The following TMEM182 variants were observed in gnomAD, a reference collection of about 807,000 sequenced individuals.
TMEM182 encodes transmembrane protein 182.
Under a neutral mutation model 26.8 loss-of-function variants are expected in TMEM182, and 20 were observed. The ratio of observed to expected loss-of-function variants is 0.75; its 90% CI spans 0.53 to 1.09. The LOEUF is 1.09. Among genes scored for constraint, TMEM182 ranks in the 50% least tolerant of loss-of-function variants. The pLI is 0.00. For missense variants in TMEM182, 277 were observed against 275.5 expected (o/e 1.01, Z -0.04); for synonymous variants, 109 against 102.2 (o/e 1.07, Z -0.40).
chr2:102,759,678 C>T (rs1049481578), upstream of TMEM182, among the ~76,000 whole-genome samples: 7 of 152,214 alleles, frequency 4.6e-5, no homozygotes, highest in Non-Finnish European at 1.0e-4. Flanking sequence ...TACAGATTTG[C>T]TATCCCACAG....
chr2:102,807,893 T>C (rs1682406557), intron 4 of TMEM182, among the ~76,000 whole-genome samples: 1 of 152,228 alleles, frequency 6.6e-6, no homozygotes, highest in Non-Finnish European at 1.5e-5. Context: ...TTATATTTAA[T>C]ATATTAACTC....
At chr2:102,808,683 G>A (rs1682437082) in intron 4 of TMEM182, among the ~76,000 whole-genome samples, 1 of 152,116 alleles carries the variant, frequency 6.6e-6, no homozygotes, top group South Asian at 2.1e-4. Context: ...CAACCCAAAT[G>A]TTTATCAGTG....
chr2:102,750,967 G>A (rs1416796813), intron 1 of TMEM182, among the ~76,000 whole-genome samples: 1 of 152,144 alleles, frequency 6.6e-6, no homozygotes, highest in Non-Finnish European at 1.5e-5. Context: ...CTGCTGGGTT[G>A]CATATAGCCG....
At chr2:102,786,210 G>GTTTTTTTTTTTTT (rs772846502) in intron 3 of TMEM182, among the ~76,000 whole-genome samples, 2 of 91,798 alleles carry the variant, frequency 2.2e-5, no homozygotes, top group African/African-American at 4.4e-5. Flanking sequence ...TCAGCAATCT[G>GTTTTTTTTTTTTT]TTTTTTTTTT....
intron 1 of TMEM182, among the ~76,000 whole-genome samples, chr2:102,737,847 G>T (rs1679405706): frequency 6.6e-6 from 1 of 152,186 alleles, no homozygotes; most frequent in South Asian, 2.1e-4. Context: ...CTCTTTCACT[G>T]TGGGATCAAG....
chr2:102,797,164 A>G (rs144946725), intron 3 of TMEM182, among the ~76,000 whole-genome samples: 13 of 152,302 alleles, frequency 8.5e-5, no homozygotes, highest in African/African-American at 2.9e-4. Flanking sequence ...ATAGACTCCT[A>G]TACTTCTCAT....
intron 3 of TMEM182, among the ~76,000 whole-genome samples, chr2:102,838,113 C>G (rs1683281059): frequency 6.6e-6 from 1 of 152,186 alleles, no homozygotes; most frequent in Non-Finnish European, 1.5e-5. Context: ...GTCTTATTCC[C>G]TTTTTCTTGA....
intron 3 of TMEM182, among the ~76,000 whole-genome samples, chr2:102,834,977 G>A (rs1052311394): frequency 6.6e-6 from 1 of 152,142 alleles, no homozygotes; most frequent in Non-Finnish European, 1.5e-5. Context: ...AGGACTTATT[G>A]TGCCTGTTTC....
chr2:102,746,625 G>A (rs1315604859), intron 1 of TMEM182, among the ~76,000 whole-genome samples: 1 of 151,646 alleles, frequency 6.6e-6, no homozygotes, highest in African/African-American at 2.4e-5. Context: ...ATGGAGTCTC[G>A]CTCTCTCACC....
intron 3 of TMEM182, among the ~76,000 whole-genome samples, chr2:102,767,187 T>C (rs1419000049): frequency 6.6e-6 from 1 of 152,226 alleles, no homozygotes; most frequent in East Asian, 1.9e-4. Flanking sequence ...TCTACCTTTA[T>C]ATTCAATTCT....
At chr2:102,763,329 A>G (rs1680291906) in intron 2 of TMEM182, among the ~76,000 whole-genome samples, 1 of 152,212 alleles carries the variant, frequency 6.6e-6, no homozygotes, top group Non-Finnish European at 1.5e-5. Context: ...TCTATTCTTT[A>G]TATTGAATTA....
chr2:102,794,785 G>A (rs1208812121), intron 3 of TMEM182, among the ~76,000 whole-genome samples: 1 of 152,036 alleles, frequency 6.6e-6, no homozygotes, highest in Non-Finnish European at 1.5e-5. Flanking sequence ...ATTTATAGGA[G>A]TTTATTCGCT....
chr2:102,797,923 G>C lies in TMEM182; in HGVS notation c.392G>C (p.Ser131Thr). 1.2e-6 allele frequency: 2 copies of C among 1,614,054 alleles called. No individual in the cohort carries two copies. The highest frequency in any genetic ancestry group is 1.7e-6 in the Non-Finnish European group (2 of 1,180,008). The change falls in exon 4 of 5, where the codon AGC becomes ACC. Residue 131 changes from serine to threonine, a missense_variant. By Grantham distance (58) the Ser-to-Thr change is moderately conservative (BLOSUM62 1). Transcript: ENST00000412401. ...GGGGTAGTTGCTGTAGTCATCGCAA[G>C]CTTTTTGATCATCTGTGCAGCCCCC... ...LLGVVAVVIA[S>T]FLIICAAPFA...
intron 2 of TMEM182, 120 bp from the exon 3 acceptor site, chr2:102,764,209 T>TG (rs1197945304): frequency 1.0e-6 from 1 of 952,816 alleles, no homozygotes; most frequent in Non-Finnish European, 1.6e-6. Flanking sequence ...AATTTGCTGA[T>TG]GGAACCAGTA....
At chr2:102,759,791 T>C (rs905878691), upstream of TMEM182, among the ~76,000 whole-genome samples, 2 of 152,184 alleles carry the variant, frequency 1.3e-5, no homozygotes. Context: ...TTTTCTTTCC[T>C]CTTCCTACTT....
downstream of TMEM182, among the ~76,000 whole-genome samples, chr2:102,818,631 A>G (rs1682829799): frequency 6.6e-6 from 1 of 152,158 alleles, no homozygotes; most frequent in South Asian, 2.1e-4. Context: ...CCTCCTGCCC[A>G]TAGGATTCAG....
exon 4 of TMEM182, chr2:102,843,521 G>A (rs978627566): frequency 6.6e-6 from 1 of 152,214 alleles, no homozygotes; most frequent in African/African-American, 2.4e-5. Flanking sequence ...AAGCCCTTAT[G>A]CCACTGCTGG....
At chr2:102,784,875 C>G (rs1278856328) in intron 3 of TMEM182, among the ~76,000 whole-genome samples, 1 of 152,128 alleles carries the variant, frequency 6.6e-6, no homozygotes, top group African/African-American at 2.4e-5. Flanking sequence ...TTTTTGCCAG[C>G]TTCTTTACTG....
chr2:102,770,105 A>G (rs946739890), intron 3 of TMEM182, among the ~76,000 whole-genome samples: 4 of 152,306 alleles, frequency 2.6e-5, no homozygotes, highest in Non-Finnish European at 2.9e-5. Flanking sequence ...TAAAATACCA[A>G]TTATTCTTAG....
Sources: allele counts gnomAD v4.1 joint callset (sites outside exome capture counted in the v4.1 genomes callset), GRCh38; gene constraint gnomAD v4.1.1; transcripts MANE v1.5; gene names NCBI Gene and HGNC (gene_info 2026-07-23, HGNC 2026-07-21).